SYBU: variants seen among roughly 807,000 people sequenced by gnomAD.
The protein encoded by SYBU is syntabulin.
Under a neutral mutation model 35.9 loss-of-function variants are expected in SYBU, and 21 were observed. That is an observed-to-expected ratio of 0.58 (90% CI 0.41 to 0.84). The LOEUF is 0.84. SYBU is among the 40% of genes least tolerant of loss of function. The pLI is 0.00. For missense variants in SYBU, 768 were observed against 848.2 expected (o/e 0.91, Z 1.17); for synonymous variants, 319 against 324.3 (o/e 0.98, Z 0.18).
chr8:109,656,062 G>C (rs1006104569), intron 1 of SYBU, among the ~76,000 whole-genome samples: 1 of 151,812 alleles, frequency 6.6e-6, no homozygotes, highest in African/African-American at 2.4e-5. Flanking sequence ...GTTGCAGTGA[G>C]ATGAAATCAT....
At chr8:109,678,421 A>G (rs1586996490) in intron 1 of SYBU, among the ~76,000 whole-genome samples, 1 of 143,426 alleles carries the variant, frequency 7.0e-6, no homozygotes, top group Non-Finnish European at 1.5e-5. Flanking sequence ...GTGGAAGAGC[A>G]GTTTCAAATA....
chr8:109,659,321 G>T (rs1445934062), intron 1 of SYBU, among the ~76,000 whole-genome samples: 1 of 152,180 alleles, frequency 6.6e-6, no homozygotes, highest in Admixed American at 6.5e-5. Context: ...CCAATGTGTA[G>T]GCAATATCAA....
At chr8:109,652,687 G>C (rs1816199326) in intron 1 of SYBU, among the ~76,000 whole-genome samples, 1 of 152,100 alleles carries the variant, frequency 6.6e-6, no homozygotes, top group Non-Finnish European at 1.5e-5. Context: ...AACGTAATAA[G>C]GGTTAATAAT....
Position 109,644,721 on chromosome 8 carries a change from G to T in SYBU, c.-62C>A. On this transcript the variant is annotated 5_prime_UTR_variant, in exon 1 of 7. Coordinates refer to ENST00000276646, the MANE Select transcript of SYBU (RefSeq NM_001099754.2). ...CCGCCGTCCAGGAGGAGGCACCTGCGAGCACGGAGCGAGGAGACTGCGCTG... is the reference window on the plus strand; with the variant it reads ...CCGCCGTCCAGGAGGAGGCACCTGCTAGCACGGAGCGAGGAGACTGCGCTG... 1 of 1,450,220 alleles carries T rather than the reference G, an allele frequency of 6.9e-7. No individual in the cohort carries two copies. Among genetic ancestry groups the T allele is most frequent in the Non-Finnish European group, 9.0e-7 (1 of 1,108,254 alleles). The allele number at this position is 1,450,220 out of a possible 1,614,324, so 89.8% of individuals were successfully genotyped here. A position where few individuals can be genotyped will look rare whatever the true frequency, so the allele number is the denominator to read the frequency against.
intron 3 of SYBU, 130 bp downstream of exon 3, chr8:109,618,712 A>T: frequency 1.2e-6 from 1 of 867,268 alleles, no homozygotes; most frequent in Non-Finnish European, 1.9e-6. Flanking sequence ...TGCCTCCTTT[A>T]AAAATGATGC....
At chr8:109,628,708 G>A (rs903141217) in intron 2 of SYBU, among the ~76,000 whole-genome samples, 8 of 151,924 alleles carry the variant, frequency 5.3e-5, no homozygotes, top group Non-Finnish European at 1.0e-4. Context: ...TATAGTCCCG[G>A]CTATGCAGGA....
intron 3 of SYBU, among the ~76,000 whole-genome samples, chr8:109,601,836 T>C (rs575067675): frequency 5.2e-4 from 79 of 152,306 alleles, no homozygotes; most frequent in Non-Finnish European, 9.0e-4. Flanking sequence ...AGGTGAGTTG[T>C]AACCAGAGAG....
chr8:109,653,509 C>T (rs1293113983), intron 1 of SYBU, among the ~76,000 whole-genome samples: 1 of 152,140 alleles, frequency 6.6e-6, no homozygotes, highest in Non-Finnish European at 1.5e-5. Flanking sequence ...CACTGCCTCT[C>T]CTATGACCCG....
At chr8:109,585,927 A>C (rs552414665) in intron 4 of SYBU, 133 bp downstream of exon 4, 1 of 669,900 alleles carries the variant, frequency 1.5e-6, no homozygotes, top group South Asian at 2.0e-5. Flanking sequence ...TCACTGTAAA[A>C]AAACAAAACA....
chr8:109,619,282 G>A (rs912736290), intron 2 of SYBU, among the ~76,000 whole-genome samples: 2 of 151,450 alleles, frequency 1.3e-5, no homozygotes, highest in East Asian at 1.9e-4. Context: ...GAAGTGCAGC[G>A]GCGTGATCTC....
chr8:109,672,134 C>G (rs1817005175), intron 1 of SYBU, among the ~76,000 whole-genome samples: 1 of 152,180 alleles, frequency 6.6e-6, no homozygotes, highest in South Asian at 2.1e-4. Flanking sequence ...ATCCCGACCT[C>G]AGGTGATCCA....
chr8:109,590,853 A>G (rs918298839), intron 3 of SYBU, among the ~76,000 whole-genome samples: 7 of 152,144 alleles, frequency 4.6e-5, no homozygotes, highest in African/African-American at 1.4e-4. Context: ...GATACTCATG[A>G]AAAGCCATAT....
chr8:109,579,800 T>C lies in SYBU; in HGVS notation c.733A>G (p.Arg245Gly). ...ATGAATTAGGTGAGCAGGACTCACC[T>C]CATGATGGGGCTACAGTCGCTTCCT... ...YKGSDCSPIM[R>G]RSGRYMSCGE... The change falls in exon 5 of 7, where the codon AGG becomes GGG. Residue 245 changes from arginine (R) to glycine (G), a missense_variant and splice_region_variant. Transcript: ENST00000276646. 1.2e-6 allele frequency: 2 copies of C among 1,613,974 alleles called. No individual in the cohort carries two copies. Among genetic ancestry groups the C allele is most frequent in the Non-Finnish European group, 1.7e-6 (2 of 1,179,872 alleles).
chr8:109,678,090 C>T (rs7812658), intron 1 of SYBU, among the ~76,000 whole-genome samples: 2,472 of 136,598 alleles, frequency 0.018, 84 homozygotes, highest in African/African-American at 0.063. Context: ...GCTGAGATCG[C>T]GCCATTGCAC....
intron 3 of SYBU, among the ~76,000 whole-genome samples, chr8:109,608,861 C>T (rs993225701): frequency 2.0e-5 from 3 of 152,112 alleles, no homozygotes; most frequent in African/African-American, 7.2e-5. Context: ...ATGCCAACAC[C>T]GATTTTTGCT....
chr8:109,691,437 C>G lies in SYBU; in HGVS notation c.-162G>C. ...GGCCGGGTGCCGGTGCGGACGGGAC[C>G]CCGCGTCGCTGCTGGTTTGCGCTCA... is the stretch of plus-strand genomic sequence containing the variant. On this transcript the variant is annotated 5_prime_UTR_variant, in exon 1 of 8. Transcript: ENST00000422135. This position sits in a 1 kb window ranked among gnomAD's most constrained non-coding sequence, Gnocchi z 4.7. 1 of 666,880 alleles carries G rather than the reference C, an allele frequency of 1.5e-6. No individual in the cohort carries two copies. The highest frequency in any genetic ancestry group is 2.7e-6 in the Non-Finnish European group (1 of 370,812). 41.3% of individuals were successfully genotyped at this position (666,880 alleles called of 1,614,324 possible).
Position 109,644,724 on chromosome 8 carries a change from C to A in SYBU, c.-65G>T. The stretch of plus-strand genomic sequence containing the variant: ...CCGTCCAGGAGGAGGCACCTGCGAG[C>A]ACGGAGCGAGGAGACTGCGCTGAGC... On this transcript the variant is annotated 5_prime_UTR_variant, in exon 1 of 7. Coordinates refer to ENST00000276646, the MANE Select transcript of SYBU (RefSeq NM_001099754.2). 6.9e-7 allele frequency: 1 copy of A among 1,447,626 alleles called. No homozygotes were observed. Among genetic ancestry groups the A allele is most frequent in the South Asian group, 1.4e-5 (1 of 71,166 alleles). 89.7% of individuals were successfully genotyped at this position (1,447,626 alleles called of 1,614,324 possible).
chr8:109,642,634 T>A (rs942059192), intron 2 of SYBU, 94 bp downstream of exon 2: 22 of 758,356 alleles, frequency 2.9e-5, no homozygotes, highest in Non-Finnish European at 3.8e-5. Context: ...AGAAGTGTAG[T>A]TCTAGGCTAT....
Position 109,583,095 on chromosome 8 carries a change from G to A in SYBU, c.530+2965C>T, listed in dbSNP as rs569612614. On this transcript the variant is annotated intron_variant, in intron 4 of 6. Transcript: ENST00000276646. ...ATGATTACCATCATAACCACCACCA[G>A]CAGCAGCAGCAGCAACAGCAACAGT... 5.3e-5 allele frequency among the ~76,000 whole-genome samples: 8 copies of A among 152,046 alleles called. No individual in the cohort carries two copies. The East Asian group carries it at 1.5e-3, about 29-fold the overall frequency.
Sources: gnomAD v4.1 joint callset for allele counts (sites outside exome capture counted in the v4.1 genomes callset) on GRCh38, gnomAD v4.1.1 for gene constraint, Gnocchi (gnomAD v3.1) non-coding constraint, MANE v1.5 for transcripts, NCBI Gene and HGNC (gene_info 2026-07-23, HGNC 2026-07-21) for gene names.